ZNF385C: variants seen among roughly 807,000 people sequenced by gnomAD.
The protein encoded by ZNF385C is CTD-2132N18.2.
ZNF385C carries 28 observed loss-of-function variants against 35.4 expected under a neutral mutation model. The ratio of observed to expected loss-of-function variants is 0.79; its 90% CI spans 0.59 to 1.08. The LOEUF is 1.08. Ranked by LOEUF, ZNF385C falls within the 50% of genes least tolerant of loss-of-function variation. The pLI, the probability that ZNF385C is intolerant of heterozygous loss-of-function variation, is 0.00. For synonymous variants in ZNF385C, 248 were observed against 248.2 expected, an observed-to-expected ratio of 1.00 and a Z score of 0.01; for missense variants, 605 against 595.6, an observed-to-expected ratio of 1.02 and a Z score of -0.16.
chr17:42,053,927 G>C (rs1341512721), intron 2 of ZNF385C, among the ~76,000 whole-genome samples: 1 of 152,166 alleles, frequency 6.6e-6, no homozygotes, highest in Non-Finnish European at 1.5e-5. Context: ...AGAGGGAAGG[G>C]GGGGATGTGA....
chr17:42,095,892 G>A lies in ZNF385C; in HGVS notation c.-3+2518C>T, dbSNP rs781925040. On this transcript the variant is annotated intron_variant, in intron 1 of 8. Coordinates refer to ENST00000692273, the MANE Select transcript of ZNF385C (RefSeq NM_001392013.1). The surrounding 1 kb of genome is among the most constrained non-coding windows in gnomAD (Gnocchi z 4.4). Reference sequence around the variant, plus strand: ...GGCCTGGGGCAAGGGGACAAATGGCGGCCCACAGACATATGTCTAAATATT... The same window carrying A: ...GGCCTGGGGCAAGGGGACAAATGGCAGCCCACAGACATATGTCTAAATATT... 2.0e-4 allele frequency among the ~76,000 whole-genome samples: 30 copies of A among 152,212 alleles called. No homozygotes were observed. Among genetic ancestry groups the A allele is most frequent in the African/African-American group, 6.3e-4 (26 of 41,516 alleles).
chr17:42,031,201 G>A (rs1256112684), intron 5 of ZNF385C, among the ~76,000 whole-genome samples: 2 of 151,978 alleles, frequency 1.3e-5, no homozygotes, highest in Non-Finnish European at 2.9e-5. Flanking sequence ...ATCATGCCTG[G>A]CAAATAAATT....
intron 1 of ZNF385C, among the ~76,000 whole-genome samples, chr17:42,094,715 G>A (rs1393256278): frequency 6.6e-6 from 1 of 152,226 alleles, no homozygotes; most frequent in Non-Finnish European, 1.5e-5. Context: ...AGGACCCAGA[G>A]ACACTCTCCT....
intron 1 of ZNF385C, among the ~76,000 whole-genome samples, chr17:42,085,249 T>C (rs2053794193): frequency 6.6e-6 from 1 of 151,978 alleles, no homozygotes; most frequent in Non-Finnish European, 1.5e-5. Context: ...CTGGGCAACA[T>C]ATGGAGACCC....
chr17:42,044,307 CAAAAAAA>C (rs57246793), intron 2 of ZNF385C, among the ~76,000 whole-genome samples: 5 of 70,542 alleles, frequency 7.1e-5, no homozygotes, highest in Admixed American at 1.6e-4. Context: ...GACCCTGTCT[CAAAAAAA>C]AAAAAAAAAA....
At chr17:42,082,041 C>G (rs1318143841) in intron 1 of ZNF385C, among the ~76,000 whole-genome samples, 9 of 152,182 alleles carry the variant, frequency 5.9e-5, no homozygotes, top group Non-Finnish European at 1.2e-4. Flanking sequence ...GCCTTGCCCC[C>G]AGCCTAGCAA....
At chr17:42,094,987 G>A (rs576981064) in intron 1 of ZNF385C, among the ~76,000 whole-genome samples, 30 of 152,136 alleles carry the variant, frequency 2.0e-4, no homozygotes, top group Non-Finnish European at 3.7e-4. Flanking sequence ...GTCAGGGTGG[G>A]TCTGACCTGG....
chr17:42,029,629 G>A lies in ZNF385C; in HGVS notation c.677-556C>T, dbSNP rs533852207. Among the ~76,000 whole-genome samples the A allele has an allele frequency of 9.9e-5, 15 of 152,240 alleles. No homozygotes were observed. The South Asian group carries it at 3.1e-3, about 32-fold the overall frequency. ...CTCGGGAGGCTGAGGCAGGAGAATC[G>A]CTTGAACCTGCAAGGTGGAGGTTAC... On this transcript the variant is annotated intron_variant, in intron 5 of 8. Coordinates refer to ENST00000692273, the MANE Select transcript of ZNF385C (RefSeq NM_001392013.1).
chr17:42,037,623 G>T, intron 3 of ZNF385C, 114 bp downstream of exon 3: 1 of 1,298,732 alleles, frequency 7.7e-7, no homozygotes, highest in Non-Finnish European at 1.0e-6. Flanking sequence ...GGGGGATGTT[G>T]GAGAAAAAGC....
At position 42,031,748 on chromosome 17, in the gene ZNF385C, C is replaced by A. The variant is rs782668370; in HGVS notation, c.547G>T (p.Ala183Ser). Residue 183 changes from alanine (A) to serine (S), a missense_variant, in exon 5 of 9, where the codon GCC becomes TCC. Physicochemically the swap from Ala to Ser is moderately conservative, Grantham distance 99. Coordinates refer to ENST00000692273, the MANE Select transcript of ZNF385C (RefSeq NM_001392013.1). ...GCCTCGACAGCCTTGAGTTTTCTGG[C>A]GTGTTTGTGGCCTTTATAATGTGCC... ...AEAHYKGHKH[A>S]RKLKAVEAAK... The A allele has an allele frequency of 5.2e-6, 8 of 1,550,664 alleles. No individual in the cohort carries two copies. Among genetic ancestry groups the A allele is most frequent in the African/African-American group, 1.4e-5 (1 of 72,998 alleles).
intron 2 of ZNF385C, chr17:42,041,056 G>C: frequency 8.1e-7 from 1 of 1,232,346 alleles, no homozygotes; most frequent in Non-Finnish European, 1.0e-6. Flanking sequence ...ATCACAGGGG[G>C]ACACTGAAGT....
At chr17:42,075,374 C>A (rs782686846) in intron 1 of ZNF385C, among the ~76,000 whole-genome samples, 7 of 152,068 alleles carry the variant, frequency 4.6e-5, no homozygotes, top group African/African-American at 9.7e-5. Flanking sequence ...TCATTCATTT[C>A]TTTTGCCTGG....
At chr17:42,030,365 G>A (rs145700143) in intron 5 of ZNF385C, among the ~76,000 whole-genome samples, 35 of 152,180 alleles carry the variant, frequency 2.3e-4, no homozygotes, top group African/African-American at 7.7e-4. Flanking sequence ...GCAGGTACCT[G>A]TAGTCCCAGC....
At chr17:42,064,793 G>A (rs1555658337) in intron 1 of ZNF385C, among the ~76,000 whole-genome samples, 1 of 152,074 alleles carries the variant, frequency 6.6e-6, no homozygotes, top group East Asian at 1.9e-4. Context: ...TCGACCTCCT[G>A]ACCTCAGGTG....
intron 2 of ZNF385C, among the ~76,000 whole-genome samples, chr17:42,051,516 T>C (rs1331279631): frequency 6.6e-6 from 1 of 151,996 alleles, no homozygotes; most frequent in Non-Finnish European, 1.5e-5. Flanking sequence ...GCCTGTTTCC[T>C]CATCTGTAAA....
intron 3 of ZNF385C, among the ~76,000 whole-genome samples, chr17:42,037,252 C>A (rs1176291809): frequency 6.6e-6 from 1 of 152,106 alleles, no homozygotes; most frequent in Non-Finnish European, 1.5e-5. Context: ...AGGCACATAC[C>A]TTAATTACAT....
At chr17:42,047,132 C>T (rs531570227) in intron 2 of ZNF385C, among the ~76,000 whole-genome samples, 23 of 151,472 alleles carry the variant, frequency 1.5e-4, no homozygotes, top group Non-Finnish European at 2.4e-4. Context: ...CCCGGGTTCA[C>T]GCCATTCTCC....
intron 1 of ZNF385C, among the ~76,000 whole-genome samples, chr17:42,068,632 G>A (rs1027471299): frequency 1.3e-5 from 2 of 152,138 alleles, no homozygotes; most frequent in Non-Finnish European, 2.9e-5. Flanking sequence ...TGGGATTACC[G>A]GCATGTGCCA....
At chr17:42,036,536 A>AAAAAT (rs781815283) in intron 3 of ZNF385C, among the ~76,000 whole-genome samples, 3 of 152,056 alleles carry the variant, frequency 2.0e-5, no homozygotes, top group Admixed American at 1.3e-4. Flanking sequence ...CTGCTTATAT[A>AAAAAT]AAAATAAAAT....
Sources: gnomAD v4.1 joint callset for allele counts (sites outside exome capture counted in the v4.1 genomes callset) on GRCh38, gnomAD v4.1.1 for gene constraint, Gnocchi (gnomAD v3.1) non-coding constraint, MANE v1.5 for transcripts, NCBI Gene and HGNC (gene_info 2026-07-23, HGNC 2026-07-21) for gene names.